The following RPH3A variants were observed in gnomAD, a reference collection of about 807,000 sequenced individuals.
RPH3A encodes rabphilin-3A.
RPH3A carries 48 observed loss-of-function variants against 102.2 expected under a neutral mutation model. That is an observed-to-expected ratio of 0.47 (90% CI 0.37 to 0.60). The LOEUF is 0.60. Ranked by LOEUF, RPH3A falls within the 20% of genes least tolerant of loss-of-function variation. RPH3A has a pLI of 0.00. For missense variants in RPH3A, 781 were observed against 910.1 expected (o/e 0.86, Z 1.83); for synonymous variants, 310 against 324.3 (o/e 0.96, Z 0.47).
intron 12 of RPH3A, 126 bp downstream of exon 12, chr12:112,875,867 A>G (rs773377933): frequency 2.0e-5 from 14 of 701,496 alleles, no homozygotes; most frequent in Middle Eastern, 7.4e-4. Context: ...TGAGATCTAA[A>G]CAGCTCCCCC....
chr12:112,809,858 T>C (rs1238217559), intron 2 of RPH3A, among the ~76,000 whole-genome samples: 1 of 152,134 alleles, frequency 6.6e-6, no homozygotes, highest in Non-Finnish European at 1.5e-5. Context: ...TCCAGAAACA[T>C]GGAGTGAAGT....
At chr12:112,652,374 G>A (rs2039980545) in intron 1 of RPH3A, among the ~76,000 whole-genome samples, 1 of 152,182 alleles carries the variant, frequency 6.6e-6, no homozygotes, top group Admixed American at 6.5e-5. Flanking sequence ...CTGTTTGGGA[G>A]GCTGAGGTGG....
intron 3 of RPH3A, among the ~76,000 whole-genome samples, chr12:112,833,612 T>A (rs1411886362): frequency 1.3e-5 from 1 of 78,436 alleles, no homozygotes; most frequent in Non-Finnish European, 3.1e-5. Context: ...CACAGCTCCC[T>A]GTTCTGGATT....
intron 1 of RPH3A, among the ~76,000 whole-genome samples, chr12:112,587,580 TG>T (rs1859353055): frequency 6.6e-6 from 1 of 152,244 alleles, no homozygotes; most frequent in South Asian, 2.1e-4. Flanking sequence ...CTTGTGTGGT[TG>T]GCTCTCTTAT....
intron 1 of RPH3A, among the ~76,000 whole-genome samples, chr12:112,767,147 A>G (rs1417405074): frequency 1.3e-5 from 2 of 152,216 alleles, no homozygotes; most frequent in Non-Finnish European, 2.9e-5. Context: ...CTTTGATATA[A>G]TATCAAGATA....
At chr12:112,587,172 T>A (rs533134720) in intron 1 of RPH3A, among the ~76,000 whole-genome samples, 1 of 152,220 alleles carries the variant, frequency 6.6e-6, no homozygotes, top group Non-Finnish European at 1.5e-5. Flanking sequence ...AAGTCAAAAA[T>A]CCCTTCTGAT....
chr12:112,593,742 C>T (rs2039495564), intron 1 of RPH3A, among the ~76,000 whole-genome samples: 1 of 152,126 alleles, frequency 6.6e-6, no homozygotes, highest in Non-Finnish European at 1.5e-5. Flanking sequence ...AAATGAGTTC[C>T]AGGGAGATTA....
At chr12:112,801,621 C>G (rs773401105) in intron 2 of RPH3A, among the ~76,000 whole-genome samples, 1 of 152,122 alleles carries the variant, frequency 6.6e-6, no homozygotes, top group Non-Finnish European at 1.5e-5. Context: ...TCATTTGTAG[C>G]CTGTCTGTTA....
chr12:112,847,169 A>G (rs1267542631), intron 4 of RPH3A, among the ~76,000 whole-genome samples: 1 of 152,230 alleles, frequency 6.6e-6, no homozygotes, highest in Non-Finnish European at 1.5e-5. Context: ...TTCGCTTAAA[A>G]AGAAAAGGCA....
At chr12:112,794,182 G>T (rs1311354238) in intron 2 of RPH3A, among the ~76,000 whole-genome samples, 1 of 152,190 alleles carries the variant, frequency 6.6e-6, no homozygotes, top group Admixed American at 6.5e-5. Context: ...CTTGGACTTG[G>T]GTCAGGAGAC....
chr12:112,649,735 G>T (rs550725300), intron 1 of RPH3A, among the ~76,000 whole-genome samples: 23 of 152,284 alleles, frequency 1.5e-4, no homozygotes, highest in Non-Finnish European at 2.1e-4. Flanking sequence ...AGGCTGGGTG[G>T]CTTAAACAAT....
At position 112,823,411 on chromosome 12, in the gene RPH3A, T is replaced by G. The variant is rs141358274; in HGVS notation, c.-18-4890T>G. Among the ~76,000 whole-genome samples, 214 of 152,326 alleles carry G rather than the reference T, an allele frequency of 1.4e-3. 1 individual carries two copies. The highest frequency in any genetic ancestry group is 2.8e-3 in the Non-Finnish European group (192 of 68,030). On this transcript the variant is annotated intron_variant, in intron 2 of 21. Coordinates refer to ENST00000389385, the MANE Select transcript of RPH3A (RefSeq NM_001143854.2). The stretch of plus-strand genomic sequence containing the variant: ...AATACCATCTACCTTGGAGTAGGAT[T>G]GTAAGGAGTAAAGCAAATAATGTAG...
At chr12:112,814,670 T>G (rs2041639444) in intron 2 of RPH3A, among the ~76,000 whole-genome samples, 1 of 152,150 alleles carries the variant, frequency 6.6e-6, no homozygotes, top group Admixed American at 6.5e-5. Flanking sequence ...ACTCCACCAT[T>G]CCTTCCTGGT....
rs190414097 is a variant in RPH3A, at chr12:112,876,783, C to T, written c.1088C>T (p.Ala363Val). 8.1e-5 allele frequency: 131 copies of T among 1,609,968 alleles called. 2 individuals are homozygous for T. In the Admixed American group the frequency reaches 1.6e-3, roughly 20 times the overall value. ...CCCTATTCCCAAGCATCTGCAGCTG[C>T]CCCCCAGCCTGCTGCAGCCCGCCAG... ...SGPYSQASAA[A>V]PQPAAARQPP... is the part of the protein sequence containing the mutation. The change falls in exon 13 of 22, where the codon GCC becomes GTC. Residue 363 changes from alanine to valine, a missense_variant. Transcript: ENST00000389385.
rs150585184 is a variant in RPH3A, at chr12:112,592,351, G to A, written c.-140+17032G>A. 6.4e-3 allele frequency among the ~76,000 whole-genome samples: 967 copies of A among 152,220 alleles called. 5 individuals are homozygous for A. The highest frequency in any genetic ancestry group is 0.021 in the African/African-American group (857 of 41,540). Reference sequence around the variant, plus strand: ...TTATTATTATTTTTTGAGATGGAGTGTCTGTCACCCAGGCTGGAGTGCAGT... The same window carrying A: ...TTATTATTATTTTTTGAGATGGAGTATCTGTCACCCAGGCTGGAGTGCAGT... On this transcript the variant is annotated intron_variant, in intron 1 of 21. Coordinates refer to the RPH3A transcript ENST00000543106.
chr12:112,696,322 T>C (rs1400548027), intron 1 of RPH3A, among the ~76,000 whole-genome samples: 1 of 152,242 alleles, frequency 6.6e-6, no homozygotes, highest in Non-Finnish European at 1.5e-5. Flanking sequence ...TTCCACATAA[T>C]GACTTCTTTT....
At chr12:112,672,033 T>C (rs1479677170) in intron 1 of RPH3A, among the ~76,000 whole-genome samples, 1 of 150,280 alleles carries the variant, frequency 6.7e-6, no homozygotes, top group South Asian at 2.1e-4. Flanking sequence ...TAAATATATA[T>C]ATATTTATAT....
intron 1 of RPH3A, among the ~76,000 whole-genome samples, chr12:112,732,553 A>T (rs1327479279): frequency 6.6e-6 from 1 of 152,170 alleles, no homozygotes; most frequent in Non-Finnish European, 1.5e-5. Flanking sequence ...AACGTGCAGG[A>T]TGTTTAATAA....
intron 1 of RPH3A, among the ~76,000 whole-genome samples, chr12:112,617,086 T>C (rs912397324): frequency 6.6e-6 from 1 of 152,224 alleles, no homozygotes; most frequent in Non-Finnish European, 1.5e-5. Context: ...CTGAAGTAGA[T>C]GAGCTTCCTG....
Sources: allele counts gnomAD v4.1 joint callset (sites outside exome capture counted in the v4.1 genomes callset), GRCh38; gene constraint gnomAD v4.1.1; transcripts MANE v1.5; gene names NCBI Gene and HGNC (gene_info 2026-07-23, HGNC 2026-07-21).